Variants in NCOA6 observed in about 807,000 individuals in gnomAD.
NCOA6 encodes nuclear receptor coactivator 6, also known as NRC RAP250.
Under a neutral mutation model 171.4 loss-of-function variants are expected in NCOA6, and 49 were observed. That is an observed-to-expected ratio of 0.29 (90% CI 0.23 to 0.36). The LOEUF (loss-of-function observed/expected upper bound fraction) is 0.36. Among genes scored for constraint, NCOA6 ranks in the 10% least tolerant of loss-of-function variants. The pLI is 1.00. For missense variants in NCOA6, 2,248 were observed against 2,554.5 expected, an observed-to-expected ratio of 0.88 and a Z score of 2.59; for synonymous variants, 910 against 927.5, an observed-to-expected ratio of 0.98 and a Z score of 0.34.
chr20:34,741,405 T>C lies in NCOA6; in HGVS notation c.4851A>G (p.Pro1617=). 2 of 1,614,240 alleles carry C rather than the reference T, an allele frequency of 1.2e-6. No individual in the cohort carries two copies. The highest frequency in any genetic ancestry group is 1.7e-6 in the Non-Finnish European group (2 of 1,180,042). ...TTSANTSAAL[P]THLQSALMST... ...ACATCAATGCAGACTGCAAGTGAGTTGGCAAAGCTGCTGATGTGTTAGCTG... is the reference window on the plus strand; with the variant it reads ...ACATCAATGCAGACTGCAAGTGAGTCGGCAAAGCTGCTGATGTGTTAGCTG... Residue 1617 remains proline (P), a synonymous_variant, in exon 11 of 15, where the codon CCA becomes CCG. Coordinates refer to ENST00000359003, the MANE Select transcript of NCOA6 (RefSeq NM_014071.5).
At chr20:34,813,797 C>CA (rs1462603587) in intron 1 of NCOA6, among the ~76,000 whole-genome samples, 1 of 151,200 alleles carries the variant, frequency 6.6e-6, no homozygotes, top group Admixed American at 6.6e-5. Context: ...TTTAAAATAT[C>CA]AAAAAAAGCC....
chr20:34,811,789 G>C (rs1023450827), intron 1 of NCOA6, among the ~76,000 whole-genome samples: 6 of 152,118 alleles, frequency 3.9e-5, no homozygotes, highest in African/African-American at 1.4e-4. Context: ...AATTAAGTTG[G>C]CCTTGTAACC....
chr20:34,752,304 C>T (rs1485521492), intron 8 of NCOA6, among the ~76,000 whole-genome samples: 2 of 152,186 alleles, frequency 1.3e-5, no homozygotes, highest in African/African-American at 4.8e-5. Flanking sequence ...TTTTCTAAAC[C>T]AGCCTTATAA....
rs775912918 is a variant in NCOA6, at chr20:34,798,312, C to A, written c.-163-5749G>T. ...AGCTCAGCTGCAGCAGAACAAAGCACTAGATAGATTCCTAAGGTTTCTGAC... is the reference window on the plus strand; with the variant it reads ...AGCTCAGCTGCAGCAGAACAAAGCAATAGATAGATTCCTAAGGTTTCTGAC... On this transcript the variant is annotated intron_variant, in intron 1 of 14. Coordinates refer to ENST00000359003, the MANE Select transcript of NCOA6 (RefSeq NM_014071.5). 9.9e-5 allele frequency among the ~76,000 whole-genome samples: 15 copies of A among 152,240 alleles called. 1 individual carries two copies. The highest frequency in any genetic ancestry group is 5.2e-4 in the Admixed American group (8 of 15,280).
intron 1 of NCOA6, among the ~76,000 whole-genome samples, chr20:34,804,793 GTAAT>G (rs1188501608): frequency 9.2e-5 from 14 of 152,002 alleles, no homozygotes; most frequent in Admixed American, 8.5e-4. Context: ...TCAAATCAGA[GTAAT>G]TAATTAGCAC....
At chr20:34,807,947 T>G (rs1246233328) in intron 1 of NCOA6, among the ~76,000 whole-genome samples, 1 of 151,370 alleles carries the variant, frequency 6.6e-6, no homozygotes, top group East Asian at 2.0e-4. Context: ...GTCGGGAGTT[T>G]GAGATCACCT....
intron 2 of NCOA6, among the ~76,000 whole-genome samples, chr20:34,786,954 CA>C (rs1568851932): frequency 6.6e-6 from 1 of 151,754 alleles, no homozygotes; most frequent in Non-Finnish European, 1.5e-5. Flanking sequence ...GCAACTGCAA[CA>C]AAAAAATTGA....
intron 6 of NCOA6, among the ~76,000 whole-genome samples, chr20:34,758,500 G>A (rs982433860): frequency 1.4e-4 from 22 of 152,058 alleles, no homozygotes; most frequent in African/African-American, 5.3e-4. Flanking sequence ...CAGGAGGGAG[G>A]GTAAAGAATG....
chr20:34,738,986 T>C (rs1294083768), intron 11 of NCOA6: 3 of 455,698 alleles, frequency 6.6e-6, no homozygotes, highest in Non-Finnish European at 1.3e-5. Context: ...CGTAAAGGTC[T>C]TTCCCAGCTC....
intron 3 of NCOA6, among the ~76,000 whole-genome samples, chr20:34,777,034 T>C (rs1049403508): frequency 6.7e-6 from 1 of 150,196 alleles, no homozygotes; most frequent in Non-Finnish European, 1.5e-5. Flanking sequence ...GGAGAATTGC[T>C]TGAACCCGGG....
At chr20:34,781,993 A>T (rs563523588) in intron 3 of NCOA6, 128 bp downstream of exon 3, 1 of 623,118 alleles carries the variant, frequency 1.6e-6, no homozygotes. Flanking sequence ...CTAAAATTCC[A>T]CCTCTGTGCT....
In NCOA6 at chr20:34,742,505, G is replaced by C. The variant is rs2076176132; in HGVS notation, c.3751C>G (p.Leu1251Val). Reference sequence around the variant, plus strand: ...GGAATATTAATCTGTGGAGGGAAGAGTCCTGCTATGGAGGCATTGAGTCTT... The same window carrying C: ...GGAATATTAATCTGTGGAGGGAAGACTCCTGCTATGGAGGCATTGAGTCTT... ...PERLNASIAG[L>V]FPPQINIPLP... Residue 1251 changes from leucine to valine, a missense_variant, in exon 11 of 15, where the codon CTC (leucine) becomes GTC (valine). Coordinates refer to ENST00000359003, the MANE Select transcript of NCOA6 (RefSeq NM_014071.5). 1 of 1,614,086 alleles carries C rather than the reference G, an allele frequency of 6.2e-7. No homozygotes were observed. Among genetic ancestry groups the C allele is most frequent in the Non-Finnish European group, 8.5e-7 (1 of 1,180,044 alleles).
rs1179186088 is a variant in NCOA6 at position 34,750,201 on chromosome 20, G to A, written c.1994C>T (p.Pro665Leu). 6.8e-6 allele frequency: 11 copies of A among 1,611,110 alleles called. No individual in the cohort carries two copies. Among genetic ancestry groups the A allele is most frequent in the Non-Finnish European group, 9.3e-6 (11 of 1,178,362 alleles). The change falls in exon 9 of 15, where the codon CCC becomes CTC. Residue 665 changes from proline to leucine, a missense_variant. Coordinates refer to ENST00000359003, the MANE Select transcript of NCOA6 (RefSeq NM_014071.5). ...LMPQGQMMVN[P>L]PSQNLGPSPQ... Reference sequence around the variant, plus strand: ...CGAGGGCCCAAGATTTTGGCTCGGGGGGTTCACCATCATCTGGCCCTGTGG... The same window carrying A: ...CGAGGGCCCAAGATTTTGGCTCGGGAGGTTCACCATCATCTGGCCCTGTGG...
rs2076694551 is a variant in NCOA6, at chr20:34,757,914, T to TTGTTGC, written c.828_833dup (p.Gln284_Gln285dup). ...GCAACTGTTGTTGCTGCTGTTGCTG[T>TTGTTGC]TGTTGCTGCTGCTGCTGCTGCTGCT... On this transcript the variant is annotated inframe_insertion, in exon 7 of 15. Transcript: ENST00000359003. 3.7e-6 allele frequency: 6 copies of TTGTTGC among 1,613,460 alleles called. No individual in the cohort carries two copies. The East Asian group carries it at 1.1e-4, about 30-fold the overall frequency.
intron 4 of NCOA6, among the ~76,000 whole-genome samples, chr20:34,775,672 C>CAAAAAAAAAAAAAAAAAAAA (rs570763953): frequency 2.6e-5 from 2 of 77,570 alleles, no homozygotes; most frequent in East Asian, 3.4e-4. Flanking sequence ...GACTCTGTCT[C>CAAAAAAAAAAAAAAAAAAAA]AAAAAAAAAA....
At position 34,742,358 on chromosome 20, in the gene NCOA6, G is replaced by C. The variant is rs768048209; in HGVS notation, c.3898C>G (p.Pro1300Ala). The C allele has an allele frequency of 2.0e-5, 32 of 1,614,170 alleles. No individual in the cohort carries two copies. Among genetic ancestry groups the C allele is most frequent in the Non-Finnish European group, 2.6e-5 (31 of 1,180,034 alleles). The change falls in exon 11 of 15, where the codon CCA becomes GCA. Residue 1300 changes from proline to alanine, a missense_variant. Physicochemically the swap from Pro to Ala is conservative, Grantham distance 27 (BLOSUM62 -1). Around this residue, in one of 7 missense-constraint regions of NCOA6, gnomAD observed 884 missense variants for 941.9 expected, o/e 0.94. Transcript: ENST00000359003. ...ACAGAATCTAATTTGTGAGTTTGTG[G>C]GGTAGCAAAATTGGAAGGATTCATG... ...LTMNPSNFAT[P>A]QTHKLDSVVV...
chr20:34,760,770 T>C (rs1198628220), intron 5 of NCOA6, among the ~76,000 whole-genome samples: 1 of 152,238 alleles, frequency 6.6e-6, no homozygotes. Flanking sequence ...TTGTGGAATA[T>C]ATTTTTTCTA....
At chr20:34,825,386 G>A (rs2079123128) in intron 1 of NCOA6, 86 bp downstream of exon 1, 3 of 149,796 alleles carry the variant, frequency 2.0e-5, no homozygotes, top group Admixed American at 2.0e-4. Context: ...CCCGGGCGGC[G>A]CCTCCTCCCC....
In NCOA6 at chr20:34,727,402, T is replaced by C; in HGVS notation, c.6005A>G (p.Glu2002Gly). 6.2e-7 allele frequency: 1 copy of C among 1,613,522 alleles called. No homozygotes were observed. The highest frequency in any genetic ancestry group is 8.5e-7 in the Non-Finnish European group (1 of 1,180,004). ...NAAIVSGQSS[E>G]PKEIVEKSKI... The stretch of plus-strand genomic sequence containing the variant: ...GGACTTTTCAACTATCTCTTTGGGC[T>C]CACTGCTGACAGAGGGAAGCAAAAA... The change falls in exon 14 of 15, where the codon GAG becomes GGG. Residue 2002 changes from glutamate (E) to glycine (G), a missense_variant. By Grantham distance (98) the Glu-to-Gly change is moderately conservative. Around this residue, in one of 7 missense-constraint regions of NCOA6, gnomAD observed 884 missense variants for 941.9 expected, o/e 0.94. Coordinates refer to ENST00000359003, the MANE Select transcript of NCOA6 (RefSeq NM_014071.5).
Sources: gnomAD v4.1 joint callset for allele counts (sites outside exome capture counted in the v4.1 genomes callset) on GRCh38, gnomAD v4.1.1 for gene constraint, gnomAD v4.1.1 regional missense constraint, MANE v1.5 for transcripts, NCBI Gene and HGNC (gene_info 2026-07-23, HGNC 2026-07-21) for gene names.